The following SLC25A12 variants were observed in gnomAD, a reference collection of about 807,000 sequenced individuals.
The protein encoded by SLC25A12 is solute carrier family 25 member 12.
SLC25A12 carries 32 observed loss-of-function variants against 83.3 expected under a neutral mutation model. The observed-to-expected ratio is 0.38, with a 90% CI of 0.29 to 0.52. SLC25A12 has a LOEUF of 0.52. SLC25A12 is among the 20% of genes least tolerant of loss of function. The probability of loss-of-function intolerance (pLI) is 0.84; values close to 1 mark genes in which losing one functional copy is unlikely to be tolerated. For synonymous variants in SLC25A12, 267 were observed against 291.1 expected (o/e 0.92, Z 0.84); for missense variants, 611 against 835.6 (o/e 0.73, Z 3.31).
At chr2:171,888,336 T>G in intron 2 of SLC25A12, among the ~76,000 whole-genome samples, 1 of 151,854 alleles carries the variant, frequency 6.6e-6, no homozygotes, top group Non-Finnish European at 1.5e-5. Flanking sequence ...TGGCCTCAAG[T>G]GATCCTCCCA....
chr2:171,836,225 A>C (rs1684553244), intron 6 of SLC25A12, among the ~76,000 whole-genome samples: 1 of 152,204 alleles, frequency 6.6e-6, no homozygotes, highest in Non-Finnish European at 1.5e-5. Flanking sequence ...GATTCACTGA[A>C]GAAAAAGAAC....
intron 2 of SLC25A12, among the ~76,000 whole-genome samples, chr2:171,876,886 G>A (rs941416752): frequency 1.3e-5 from 2 of 152,190 alleles, no homozygotes; most frequent in Non-Finnish European, 2.9e-5. Context: ...TCTGGGGCAA[G>A]AAGTCAAGGA....
intron 2 of SLC25A12, among the ~76,000 whole-genome samples, chr2:171,871,135 G>A (rs141973672): frequency 7.9e-5 from 12 of 152,072 alleles, no homozygotes; most frequent in Non-Finnish European, 1.3e-4. Flanking sequence ...TTGGGAGGTC[G>A]AGACTACAGT....
intron 13 of SLC25A12, among the ~76,000 whole-genome samples, chr2:171,805,363 G>A (rs773761273): frequency 2.0e-5 from 3 of 152,052 alleles, no homozygotes; most frequent in South Asian, 2.1e-4. Context: ...CACTTGCTTC[G>A]GCCTCCCAAA....
intron 9 of SLC25A12, among the ~76,000 whole-genome samples, chr2:171,817,936 A>C (rs1330547858): frequency 2.0e-5 from 3 of 152,190 alleles, no homozygotes; most frequent in African/African-American, 7.2e-5. Flanking sequence ...CTGTGCTTTA[A>C]TTCTTTGCTA....
rs1684749502 is a variant in SLC25A12 at position 171,844,453 on chromosome 2, G to A, written c.381C>T (p.Asn127=). ...QTIIHHHIPF[N]WDCEFIRLHF... is the part of the protein sequence containing the mutation. Reference sequence around the variant, plus strand: ...GCAGTCGGATAAATTCACAATCCCAGTTAAAAGGGATATGATGATGAATAA... The same window carrying A: ...GCAGTCGGATAAATTCACAATCCCAATTAAAAGGGATATGATGATGAATAA... Residue 127 remains asparagine (N), a synonymous_variant, in exon 5 of 18, where the codon AAC becomes AAT. Coordinates refer to ENST00000422440, the MANE Select transcript of SLC25A12 (RefSeq NM_003705.5). The A allele has an allele frequency of 1.2e-6, 2 of 1,610,654 alleles. No homozygotes were observed. The highest frequency in any genetic ancestry group is 2.2e-5 in the South Asian group (2 of 90,996).
chr2:171,891,294 A>T (rs555139149), intron 2 of SLC25A12, among the ~76,000 whole-genome samples: 1 of 151,804 alleles, frequency 6.6e-6, no homozygotes. Flanking sequence ...GCGAGACTCC[A>T]TCTCAAAAAA....
chr2:171,821,061 CCT>C (rs1684179909), intron 9 of SLC25A12, among the ~76,000 whole-genome samples: 1 of 126,454 alleles, frequency 7.9e-6, no homozygotes, highest in African/African-American at 3.0e-5. Flanking sequence ...ACAGCGTCTC[CCT>C]CTGTTGCCCA....
chr2:171,794,650 AAG>A (rs1470420036), intron 13 of SLC25A12, among the ~76,000 whole-genome samples: 2 of 152,050 alleles, frequency 1.3e-5, no homozygotes. Context: ...TTCTGTAAGA[AAG>A]AAAAAAATGT....
chr2:171,849,046 T>C (rs912108369), intron 4 of SLC25A12, among the ~76,000 whole-genome samples: 13 of 152,008 alleles, frequency 8.6e-5, no homozygotes, highest in African/African-American at 3.1e-4. Flanking sequence ...AAAAAATTAG[T>C]TGGGCGTGGT....
chr2:171,880,032 T>C (rs561796828), intron 2 of SLC25A12, among the ~76,000 whole-genome samples: 1 of 152,298 alleles, frequency 6.6e-6, no homozygotes, highest in Non-Finnish European at 1.5e-5. Flanking sequence ...TGGTTAGTTT[T>C]TCAGAGTGTT....
chr2:171,862,177 T>C (rs1472693698), intron 3 of SLC25A12, among the ~76,000 whole-genome samples: 1 of 152,198 alleles, frequency 6.6e-6, no homozygotes, highest in Non-Finnish European at 1.5e-5. Context: ...ACCAGTTTTC[T>C]ACATCACAGG....
In SLC25A12 at chr2:171,872,977, T is replaced by C. The variant is rs565677705; in HGVS notation, c.67-4154A>G. On this transcript the variant is annotated intron_variant, in intron 2 of 17. Coordinates refer to ENST00000422440, the MANE Select transcript of SLC25A12 (RefSeq NM_003705.5). ...GTTTGAAACCAAATGGTAGAAGACT[T>C]TGAATGCTAAACAGAAGAGTCTGAA... Among the ~76,000 whole-genome samples the C allele has an allele frequency of 1.4e-4, 22 of 152,214 alleles. No homozygotes were observed. In the South Asian group the frequency reaches 3.7e-3, roughly 26 times the overall value.
intron 13 of SLC25A12, among the ~76,000 whole-genome samples, chr2:171,806,231 C>T (rs572626765): frequency 3.9e-4 from 59 of 151,964 alleles, no homozygotes; most frequent in African/African-American, 1.2e-3. Context: ...AGGCCGAGGC[C>T]GGTGGATCAC....
At chr2:171,794,588 G>GAA (rs1683558438) in intron 13 of SLC25A12, among the ~76,000 whole-genome samples, 1 of 123,214 alleles carries the variant, frequency 8.1e-6, no homozygotes. Context: ...TTAACTAGTA[G>GAA]AGAAAAAAAA....
rs1690433150 is a variant in SLC25A12 at position 171,783,523 on chromosome 2, T to C, written c.*1751A>G. Reference sequence around the variant, plus strand: ...CATAATCCTGTTTCTAAAATATAAATATGTACATATATTTCTATAGAGTTA... The same window carrying C: ...CATAATCCTGTTTCTAAAATATAAACATGTACATATATTTCTATAGAGTTA... On this transcript the variant is annotated 3_prime_UTR_variant, in exon 18 of 18. Coordinates refer to ENST00000422440, the MANE Select transcript of SLC25A12 (RefSeq NM_003705.5). Among the ~76,000 whole-genome samples, 1 of 152,166 alleles carries C rather than the reference T, an allele frequency of 6.6e-6. No individual in the cohort carries two copies. The highest frequency in any genetic ancestry group is 2.1e-4 in the South Asian group (1 of 4,832).
rs1210380704 is a variant in SLC25A12 at position 171,868,798 on chromosome 2, T to A, written c.92A>T (p.Glu31Val). 4 of 1,612,318 alleles carry A rather than the reference T, an allele frequency of 2.5e-6. No homozygotes were observed. The highest frequency in any genetic ancestry group is 2.5e-6 in the Non-Finnish European group (3 of 1,178,490). ...AAAGTCTTCTGGGGTCATATAACGC[T>A]CTCCATCAACCTCAGTACTGGCATA... ...LQYASTEVDG[E>V]RYMTPEDFVQ... The change falls in exon 3 of 18, where the codon GAG (glutamate) becomes GTG (valine). Residue 31 changes from glutamate (E) to valine (V), a missense_variant. Glu to Val is a moderately radical substitution (Grantham distance 121). This residue lies in a region of SLC25A12 where 540 missense variants were observed against 777.5 expected (regional missense o/e 0.69). Coordinates refer to ENST00000422440, the MANE Select transcript of SLC25A12 (RefSeq NM_003705.5).
At chr2:171,885,755 T>C (rs1363511817) in intron 2 of SLC25A12, among the ~76,000 whole-genome samples, 2 of 152,190 alleles carry the variant, frequency 1.3e-5, no homozygotes, top group African/African-American at 2.4e-5. Context: ...AAACCCTCAA[T>C]TATAATAGCA....
At chr2:171,857,305 A>AGGC (rs1286317242) in intron 3 of SLC25A12, among the ~76,000 whole-genome samples, 2 of 152,218 alleles carry the variant, frequency 1.3e-5, no homozygotes, top group East Asian at 3.8e-4. Flanking sequence ...CAGGAAGTAG[A>AGGC]GGCTGTAATA....
Sources: gnomAD v4.1 joint callset for allele counts (sites outside exome capture counted in the v4.1 genomes callset) on GRCh38, gnomAD v4.1.1 for gene constraint, gnomAD v4.1.1 regional missense constraint, MANE v1.5 for transcripts, NCBI Gene and HGNC (gene_info 2026-07-23, HGNC 2026-07-21) for gene names.